Variants in LHFPL3 observed in about 807,000 individuals in gnomAD.
The protein encoded by LHFPL3 is LHFPL tetraspan subfamily member 3 protein.
Under a neutral mutation model 19.3 loss-of-function variants are expected in LHFPL3, and 5 were observed. The observed-to-expected ratio is 0.26, with a 90% CI of 0.14 to 0.54. LHFPL3 has a LOEUF of 0.54. Among genes scored for constraint, LHFPL3 ranks in the 20% least tolerant of loss-of-function variants. The probability of loss-of-function intolerance (pLI) is 0.94; values close to 1 mark genes in which losing one functional copy is unlikely to be tolerated. For missense variants in LHFPL3, 249 were observed against 307.4 expected, an observed-to-expected ratio of 0.81 and a Z score of 1.42; for synonymous variants, 133 against 126.2, an observed-to-expected ratio of 1.05 and a Z score of -0.36.
chr7:104,829,666 T>C (rs1169632531), intron 2 of LHFPL3, among the ~76,000 whole-genome samples: 1 of 151,936 alleles, frequency 6.6e-6, no homozygotes, highest in Admixed American at 6.5e-5. Context: ...GAACTCATCA[T>C]TTTTTATGGC....
chr7:104,520,406 C>G (rs1186593867), intron 1 of LHFPL3, among the ~76,000 whole-genome samples: 1 of 146,924 alleles, frequency 6.8e-6, no homozygotes, highest in Non-Finnish European at 1.5e-5. Flanking sequence ...GTCTAAAATT[C>G]TCTTTTTTTG....
chr7:104,496,065 C>T (rs1181180357), intron 1 of LHFPL3, among the ~76,000 whole-genome samples: 2 of 152,036 alleles, frequency 1.3e-5, no homozygotes, highest in Non-Finnish European at 2.9e-5. Context: ...GTGTGCTGCA[C>T]CCATTAACTC....
chr7:104,483,333 G>A (rs1349367813), intron 1 of LHFPL3, among the ~76,000 whole-genome samples: 1 of 152,162 alleles, frequency 6.6e-6, no homozygotes, highest in Non-Finnish European at 1.5e-5. Flanking sequence ...AACAGGAAAG[G>A]TGTAAAGCAC....
intron 1 of LHFPL3, among the ~76,000 whole-genome samples, chr7:104,509,365 C>T (rs765622922): frequency 1.8e-4 from 27 of 151,654 alleles, no homozygotes; most frequent in African/African-American, 3.9e-4. Flanking sequence ...CAGAATTGAA[C>T]GATATGTATA....
chr7:104,587,878 G>A (rs910854647), intron 1 of LHFPL3, among the ~76,000 whole-genome samples: 3 of 152,192 alleles, frequency 2.0e-5, no homozygotes, highest in African/African-American at 7.2e-5. Flanking sequence ...CAGTGATGAT[G>A]AGCATTTTTT....
intron 1 of LHFPL3, among the ~76,000 whole-genome samples, chr7:104,491,260 T>C (rs1182968317): frequency 6.6e-6 from 1 of 152,016 alleles, no homozygotes; most frequent in East Asian, 1.9e-4. Flanking sequence ...AATACACAAC[T>C]GGGGGAAACT....
chr7:104,668,258 T>C, intron 1 of LHFPL3: 1 of 1,611,838 alleles, frequency 6.2e-7, no homozygotes, highest in Non-Finnish European at 8.5e-7. Flanking sequence ...GAGTGGACGT[T>C]GCTGATCAAG....
At chr7:104,498,253 G>T (rs1467846822) in intron 1 of LHFPL3, among the ~76,000 whole-genome samples, 5 of 151,950 alleles carry the variant, frequency 3.3e-5, no homozygotes, top group Non-Finnish European at 1.5e-5. Context: ...TGACAACAAA[G>T]TCAGCCACCG....
intron 1 of LHFPL3, among the ~76,000 whole-genome samples, chr7:104,639,093 T>C (rs1791783558): frequency 6.6e-6 from 1 of 152,006 alleles, no homozygotes; most frequent in Non-Finnish European, 1.5e-5. Flanking sequence ...TGGATTTGGT[T>C]TGCAGGAATT....
intron 2 of LHFPL3, among the ~76,000 whole-genome samples, chr7:104,771,916 G>A (rs530190506): frequency 1.8e-4 from 27 of 147,012 alleles, no homozygotes; most frequent in Non-Finnish European, 3.9e-4. Context: ...CTGCCTCCCG[G>A]GTTCAAGCGA....
At chr7:104,432,966 T>C (rs1256272565) in intron 1 of LHFPL3, among the ~76,000 whole-genome samples, 1 of 152,170 alleles carries the variant, frequency 6.6e-6, no homozygotes, top group Non-Finnish European at 1.5e-5. Flanking sequence ...TTTCATTCAG[T>C]ACAGCTGGGG....
At chr7:104,576,387 C>T (rs1172918646) in intron 1 of LHFPL3, among the ~76,000 whole-genome samples, 2 of 152,120 alleles carry the variant, frequency 1.3e-5, no homozygotes, top group African/African-American at 2.4e-5. Flanking sequence ...AGGTGAAAAT[C>T]AGGACTGCAA....
chr7:104,498,983 G>T (rs887249802), intron 1 of LHFPL3, among the ~76,000 whole-genome samples: 2 of 151,990 alleles, frequency 1.3e-5, no homozygotes, highest in African/African-American at 4.8e-5. Flanking sequence ...TTTCCATGAG[G>T]ACAGTGGGTC....
At chr7:104,902,443 G>T (rs1467709557) in intron 2 of LHFPL3, among the ~76,000 whole-genome samples, 2 of 151,652 alleles carry the variant, frequency 1.3e-5, no homozygotes, top group South Asian at 4.2e-4. Context: ...GGAGGAGGGG[G>T]AGGAGGGAGA....
chr7:104,540,047 C>G (rs191049790), intron 1 of LHFPL3, among the ~76,000 whole-genome samples: 14 of 152,174 alleles, frequency 9.2e-5, no homozygotes, highest in African/African-American at 3.1e-4. Flanking sequence ...TGGGGAGAAA[C>G]TTATTGCAAT....
At chr7:104,727,379 T>G (rs1793611495) in intron 1 of LHFPL3, among the ~76,000 whole-genome samples, 1 of 152,220 alleles carries the variant, frequency 6.6e-6, no homozygotes, top group Non-Finnish European at 1.5e-5. Context: ...TTTTGACGTT[T>G]TCCTCATGAA....
intron 1 of LHFPL3, among the ~76,000 whole-genome samples, chr7:104,589,865 A>G (rs941555100): frequency 1.3e-5 from 2 of 152,146 alleles, no homozygotes; most frequent in African/African-American, 4.8e-5. Flanking sequence ...CGAGGAATTT[A>G]TCCATTTCTT....
intron 2 of LHFPL3, chr7:104,759,698 C>T (rs1430295355): frequency 6.6e-6 from 1 of 152,154 alleles, no homozygotes; most frequent in Non-Finnish European, 1.5e-5. Flanking sequence ...ATTGATGGCT[C>T]TTACCTCTTG....
chr7:104,586,711 G>A (rs1430977197), intron 1 of LHFPL3, among the ~76,000 whole-genome samples: 2 of 152,048 alleles, frequency 1.3e-5, no homozygotes, highest in African/African-American at 4.8e-5. Context: ...TTTTATAGAA[G>A]GCAGCCACAA....
Sources: gnomAD v4.1 joint callset for allele counts (sites outside exome capture counted in the v4.1 genomes callset) on GRCh38, gnomAD v4.1.1 for gene constraint, MANE v1.5 for transcripts, NCBI Gene and HGNC (gene_info 2026-07-23, HGNC 2026-07-21) for gene names.